The following AAAS variants were observed in gnomAD, a reference collection of about 807,000 sequenced individuals.
The protein encoded by AAAS is aladin.
AAAS carries 60 observed loss-of-function variants against 75.6 expected under a neutral mutation model. That is an observed-to-expected ratio of 0.79 (90% CI 0.64 to 0.98). The LOEUF (loss-of-function observed/expected upper bound fraction) is 0.98, where lower values mean the gene tolerates loss of function less well. AAAS is among the 50% of genes least tolerant of loss of function. The pLI, the probability that AAAS is intolerant of heterozygous loss-of-function variation, is 0.00. For synonymous variants in AAAS, 271 were observed against 265.0 expected, an observed-to-expected ratio of 1.02 and a Z score of -0.22; for missense variants, 658 against 686.9, an observed-to-expected ratio of 0.96 and a Z score of 0.47.
chr12:53,315,987 C>T (rs1944456093), intron 2 of AAAS, among the ~76,000 whole-genome samples: 1 of 152,216 alleles, frequency 6.6e-6, no homozygotes, highest in Non-Finnish European at 1.5e-5. Context: ...ACGGATGAGA[C>T]AACCAAGGCT....
intron 2 of AAAS, among the ~76,000 whole-genome samples, chr12:53,318,354 G>A (rs1944499469): frequency 6.6e-6 from 1 of 151,816 alleles, no homozygotes; most frequent in Non-Finnish European, 1.5e-5. Flanking sequence ...CCTCCTGGGT[G>A]CAAGCAATTC....
chr12:53,311,646 G>A (rs1028449836), intron 7 of AAAS, among the ~76,000 whole-genome samples: 1 of 152,158 alleles, frequency 6.6e-6, no homozygotes, highest in Non-Finnish European at 1.5e-5. Flanking sequence ...CAGTTGCAGC[G>A]GCTCATGCCT....
Position 53,321,609 on chromosome 12 carries a change from G to A in AAAS, c.-144C>T. On this transcript the variant is annotated 5_prime_UTR_variant, in exon 1 of 16. Coordinates refer to ENST00000209873, the MANE Select transcript of AAAS (RefSeq NM_015665.6). ...AACGGCGAGGCGGAACTCAACGGAAGTGAAGAAAAGACTAACGGGAAAGAA... is the reference window on the plus strand; with the variant it reads ...AACGGCGAGGCGGAACTCAACGGAAATGAAGAAAAGACTAACGGGAAAGAA... 1 of 1,415,170 alleles carries A rather than the reference G, an allele frequency of 7.1e-7. No individual in the cohort carries two copies. The highest frequency in any genetic ancestry group is 9.8e-7 in the Non-Finnish European group (1 of 1,017,468). 87.7% of individuals were successfully genotyped at this position (1,415,170 alleles called of 1,614,324 possible).
In AAAS at chr12:53,314,195, G is replaced by A. The variant is rs1944430701; in HGVS notation, c.689+103C>T. The A allele has an allele frequency of 8.0e-6, 12 of 1,500,460 alleles. No individual in the cohort carries two copies. The South Asian group carries it at 1.2e-4, about 16-fold the overall frequency. The allele number at this position is 1,500,460 out of a possible 1,614,324, so 92.9% of individuals were successfully genotyped here. ...TGCTTTTCCCATAGCCCTGGGAAGT[G>A]CTGTGAGGACAAAGAACTTCTCCTT... On this transcript the variant is annotated intron_variant, in intron 7 of 15. Transcript: ENST00000209873.
At chr12:53,315,599 T>A in intron 3 of AAAS, 128 bp downstream of exon 3, 1 of 1,296,454 alleles carries the variant, frequency 7.7e-7, no homozygotes. Context: ...GTTATTTGGG[T>A]AGGTAGAGGA....
Position 53,321,505 on chromosome 12 carries a change from G to A in AAAS, c.-40C>T, listed in dbSNP as rs1397691606. 9.9e-6 allele frequency: 16 copies of A among 1,612,506 alleles called. No individual in the cohort carries two copies. Among genetic ancestry groups the A allele is most frequent in the Non-Finnish European group, 3.4e-6 (4 of 1,179,834 alleles). ...GGACGTCTGCAGTCGGCAAACTCCT[G>A]GCCGGAACGGCACAGACCGCACTCC... On this transcript the variant is annotated 5_prime_UTR_variant, in exon 1 of 16. Transcript: ENST00000209873.
intron 2 of AAAS, 44 bp downstream of exon 2, chr12:53,320,521 G>A (rs770156782): frequency 1.2e-5 from 19 of 1,612,248 alleles, no homozygotes; most frequent in Middle Eastern, 2.0e-4. Context: ...TCATTTTCCA[G>A]GATCTGCAGA....
At chr12:53,314,473 G>C in intron 6 of AAAS, 32 bp from the exon 7 acceptor site, 3 of 1,613,378 alleles carry the variant, frequency 1.9e-6, no homozygotes, top group Non-Finnish European at 2.5e-6. Context: ...CTGAGTCAAG[G>C]CAGGAACACT....
chr12:53,314,273 G>C, intron 7 of AAAS, 25 bp downstream of exon 7: 1 of 1,614,110 alleles, frequency 6.2e-7, no homozygotes, highest in Non-Finnish European at 8.5e-7. Flanking sequence ...CTCAGGCCAA[G>C]GTAAGGCAGG....
At chr12:53,310,160 TATCTAACA>T (rs1944364601) in intron 7 of AAAS, among the ~76,000 whole-genome samples, 1 of 152,196 alleles carries the variant, frequency 6.6e-6, no homozygotes, top group South Asian at 2.1e-4. Flanking sequence ...TCTCTCCAGT[TATCTAACA>T]CTCCTCAGAA....
chr12:53,313,496 T>C (rs1229883538), intron 7 of AAAS, among the ~76,000 whole-genome samples: 1 of 152,086 alleles, frequency 6.6e-6, no homozygotes, highest in Non-Finnish European at 1.5e-5. Context: ...GAGACGGGTT[T>C]TACCATGTTG....
intron 2 of AAAS, among the ~76,000 whole-genome samples, chr12:53,318,626 C>T (rs1944504243): frequency 6.6e-6 from 1 of 152,126 alleles, no homozygotes; most frequent in Admixed American, 6.6e-5. Context: ...TACCCCAGAA[C>T]CTATACTCAA....
chr12:53,308,772 A>C lies in AAAS; in HGVS notation c.1040T>G (p.Val347Gly), dbSNP rs1265409331. 6.2e-7 allele frequency: 1 copy of C among 1,614,008 alleles called. No individual in the cohort carries two copies. Among genetic ancestry groups the C allele is most frequent in the Non-Finnish European group, 8.5e-7 (1 of 1,180,058 alleles). Residue 347 changes from valine (V) to glycine (G), a missense_variant, in exon 11 of 16, where the codon GTA (valine) becomes GGA (glycine). Coordinates refer to ENST00000209873, the MANE Select transcript of AAAS (RefSeq NM_015665.6). ...GGAGTAAATCAGTGGCTCTCCCAAT[A>C]CAGTGAACAGCAGTCGGCTGCCATC... is the stretch of plus-strand genomic sequence containing the variant. Reference protein sequence around the residue: ...SPDGSRLLFTVLGEPLIYSLS... With the variant: ...SPDGSRLLFTGLGEPLIYSLS...
intron 11 of AAAS, 95 bp downstream of exon 11, chr12:53,308,630 T>C: frequency 1.3e-6 from 2 of 1,597,982 alleles, no homozygotes; most frequent in Non-Finnish European, 1.7e-6. Flanking sequence ...TCTCCTAAGC[T>C]TCTATATTTC....
At position 53,308,455 on chromosome 12, in the gene AAAS, C is replaced by G. The variant is rs757854116; in HGVS notation, c.1161G>C (p.Gln387His). 1.1e-5 allele frequency: 17 copies of G among 1,614,082 alleles called. No individual in the cohort carries two copies. In the East Asian group the frequency reaches 3.8e-4, roughly 36 times the overall value. Residue 387 changes from glutamine to histidine, a missense_variant, in exon 12 of 16, where the codon CAG (glutamine) becomes CAC (histidine). By Grantham distance (24) the Gln-to-His change is conservative (BLOSUM62 0). Transcript: ENST00000209873. ...CTCACCTCTCCTCACCATCTGGTGT[C>G]TGTATTGTTGTCTCAGACAGATCTG... ...IVADLSETTI[Q>H]TPDGEERLGG...
intron 2 of AAAS, among the ~76,000 whole-genome samples, chr12:53,319,376 G>A (rs1248687154): frequency 1.3e-5 from 2 of 152,082 alleles, no homozygotes; most frequent in Non-Finnish European, 2.9e-5. Context: ...TTTTCTTGTA[G>A]AGAAAAGAAC....
chr12:53,311,111 T>A (rs1328259361), intron 7 of AAAS, among the ~76,000 whole-genome samples: 1 of 151,910 alleles, frequency 6.6e-6, no homozygotes, highest in Non-Finnish European at 1.5e-5. Flanking sequence ...CCAGCTAGTT[T>A]TTTTATTTTT....
chr12:53,320,856 C>A, intron 1 of AAAS, 164 bp from the exon 2 acceptor site: 1 of 754,466 alleles, frequency 1.3e-6, no homozygotes, highest in Non-Finnish European at 2.2e-6. Context: ...CAAGTCTTAG[C>A]TCCCGTATCT....
intron 7 of AAAS, 57 bp downstream of exon 7, chr12:53,314,241 C>T: frequency 6.2e-7 from 1 of 1,611,888 alleles, no homozygotes; most frequent in Non-Finnish European, 8.5e-7. Context: ...TCACCACCCA[C>T]CATGCCTAGC....
Sources: gnomAD v4.1 joint callset for allele counts (sites outside exome capture counted in the v4.1 genomes callset) on GRCh38, gnomAD v4.1.1 for gene constraint, MANE v1.5 for transcripts, NCBI Gene and HGNC (gene_info 2026-07-23, HGNC 2026-07-21) for gene names.